The following RBFOX1 variants were observed in gnomAD, a reference collection of about 807,000 sequenced individuals.
RBFOX1 encodes the protein RNA binding fox-1 homolog 1, also known as RNA binding protein fox-1 homolog 1.
A neutral mutation model predicts 57.7 loss-of-function variants in RBFOX1; 8 were observed. The ratio of observed to expected loss-of-function variants is 0.14; its 90% CI spans 0.08 to 0.25. The LOEUF is 0.25. Among genes scored for constraint, RBFOX1 ranks in the 10% least tolerant of loss-of-function variants. RBFOX1 has a pLI of 1.00. For synonymous variants in RBFOX1, 326 were observed against 222.4 expected (o/e 1.47, Z -4.15); for missense variants, 611 against 548.5 (o/e 1.11, Z -1.14).
At chr16:6,869,008 A>G (rs2060414098) in intron 3 of RBFOX1, among the ~76,000 whole-genome samples, 1 of 152,222 alleles carries the variant, frequency 6.6e-6, no homozygotes, top group Non-Finnish European at 1.5e-5. Flanking sequence ...GTGACTACAA[A>G]AAACAAAAGT....
intron 3 of RBFOX1, among the ~76,000 whole-genome samples, chr16:5,762,305 A>T (rs1268096762): frequency 6.6e-6 from 1 of 152,090 alleles, no homozygotes; most frequent in Non-Finnish European, 1.5e-5. Flanking sequence ...TTAAAAGTGA[A>T]ATAAGACATA....
rs146598035 is a variant in RBFOX1 at position 7,200,406 on chromosome 16, C to T, written c.27+148308C>T. 1.1e-3 allele frequency among the ~76,000 whole-genome samples: 171 copies of T among 152,250 alleles called. 1 individual carries two copies. The highest frequency in any genetic ancestry group is 3.9e-3 in the African/African-American group (162 of 41,548). On this transcript the variant is annotated intron_variant, in intron 4 of 15. Transcript: ENST00000550418. ...AAGTATCATCTTAGAAAATATAACCCACAACTGTGCTCTCTCCATATTCAG... is the reference window on the plus strand; with the variant it reads ...AAGTATCATCTTAGAAAATATAACCTACAACTGTGCTCTCTCCATATTCAG...
At chr16:6,105,278 T>C (rs950383451) in intron 1 of RBFOX1, among the ~76,000 whole-genome samples, 3 of 152,198 alleles carry the variant, frequency 2.0e-5, no homozygotes, top group Admixed American at 6.5e-5. Context: ...TGATCATTTG[T>C]TTTAAACGTA....
At chr16:6,459,681 A>C (rs1446627760) in intron 2 of RBFOX1, among the ~76,000 whole-genome samples, 1 of 152,078 alleles carries the variant, frequency 6.6e-6, no homozygotes, top group Non-Finnish European at 1.5e-5. Flanking sequence ...TCAATACTTA[A>C]AAAATCTTGC....
At chr16:6,006,527 G>C (rs1373217517) in intron 4 of RBFOX1, among the ~76,000 whole-genome samples, 1 of 152,218 alleles carries the variant, frequency 6.6e-6, no homozygotes, top group Non-Finnish European at 1.5e-5. Flanking sequence ...AGAAAGAAGA[G>C]ATGGAGACAG....
At chr16:7,363,462 C>A (rs1221264195) in intron 4 of RBFOX1, among the ~76,000 whole-genome samples, 1 of 151,632 alleles carries the variant, frequency 6.6e-6, no homozygotes, top group Non-Finnish European at 1.5e-5. Flanking sequence ...AGATTCAATC[C>A]TTCCTCCGAG....
chr16:7,458,664 G>A (rs1344815912), intron 4 of RBFOX1, among the ~76,000 whole-genome samples: 1 of 151,810 alleles, frequency 6.6e-6, no homozygotes, highest in Non-Finnish European at 1.5e-5. Flanking sequence ...TATGTCTTTT[G>A]TCTAGAATGC....
intron 3 of RBFOX1, among the ~76,000 whole-genome samples, chr16:6,960,847 C>G (rs1384315869): frequency 1.3e-5 from 2 of 151,846 alleles, no homozygotes; most frequent in Non-Finnish European, 2.9e-5. Flanking sequence ...GATTAAATGC[C>G]TCAGGTCCGG....
intron 4 of RBFOX1, among the ~76,000 whole-genome samples, chr16:7,148,688 T>C (rs538553318): frequency 5.4e-4 from 83 of 152,340 alleles, no homozygotes; most frequent in African/African-American, 1.9e-3. Context: ...CTCTACTCTC[T>C]ACAGTTTTAA....
intron 1 of RBFOX1, among the ~76,000 whole-genome samples, chr16:6,105,469 C>G (rs1405313284): frequency 6.6e-6 from 1 of 152,068 alleles, no homozygotes; most frequent in African/African-American, 2.4e-5. Flanking sequence ...CCATCTTAGC[C>G]TATTTAAGAC....
At chr16:7,611,507 A>C (rs973858165) in intron 10 of RBFOX1, among the ~76,000 whole-genome samples, 2 of 151,600 alleles carry the variant, frequency 1.3e-5, no homozygotes, top group African/African-American at 4.8e-5. Context: ...TGAACCTGGG[A>C]GGCAGAGGTT....
chr16:6,075,012 C>A (rs75056359), intron 1 of RBFOX1, among the ~76,000 whole-genome samples: 2,596 of 152,236 alleles, frequency 0.017, 64 homozygotes, highest in Admixed American at 0.056. Flanking sequence ...TCAGTGCCCA[C>A]CCTGAATATC....
intron 2 of RBFOX1, among the ~76,000 whole-genome samples, chr16:6,639,237 GGATGTCTTTCTGGAATCT>G (rs1299964713): frequency 6.6e-6 from 1 of 152,174 alleles, no homozygotes; most frequent in Non-Finnish European, 1.5e-5. Flanking sequence ...ACTGCCCATT[GGATGTCTTTCTGGAATCT>G]GATGTCTTTC....
intron 1 of RBFOX1, among the ~76,000 whole-genome samples, chr16:5,439,037 G>T (rs1015380540): frequency 6.6e-6 from 1 of 150,500 alleles, no homozygotes; most frequent in South Asian, 2.1e-4. Context: ...AATAATGGGG[G>T]GGGGGGCATA....
At chr16:6,822,576 G>A (rs529581938) in intron 3 of RBFOX1, among the ~76,000 whole-genome samples, 8 of 152,318 alleles carry the variant, frequency 5.3e-5, no homozygotes, top group Admixed American at 2.6e-4. Context: ...GCTCTTCGCC[G>A]TGCTTGCATT....
chr16:5,327,936 T>C (rs1475870115), intron 1 of RBFOX1, among the ~76,000 whole-genome samples: 1 of 152,170 alleles, frequency 6.6e-6, no homozygotes, highest in Non-Finnish European at 1.5e-5. Context: ...CTTTCCATAT[T>C]GTTTCTCTGA....
intron 4 of RBFOX1, among the ~76,000 whole-genome samples, chr16:7,181,699 A>G (rs557117209): frequency 6.6e-6 from 1 of 152,138 alleles, no homozygotes; most frequent in East Asian, 1.9e-4. Flanking sequence ...AGTAGCTGGG[A>G]CTACAGGTAT....
intron 3 of RBFOX1, among the ~76,000 whole-genome samples, chr16:5,618,928 G>A (rs931918859): frequency 1.3e-5 from 2 of 152,168 alleles, no homozygotes; most frequent in Non-Finnish European, 2.9e-5. Context: ...GCTCCAGGTA[G>A]GGCAGATGAC....
intron 3 of RBFOX1, among the ~76,000 whole-genome samples, chr16:6,787,371 C>G (rs2082144961): frequency 6.6e-6 from 1 of 152,122 alleles, no homozygotes; most frequent in East Asian, 1.9e-4. Flanking sequence ...GGATTTTATG[C>G]AGAAACGGTG....
Sources: gnomAD v4.1 joint callset for allele counts (sites outside exome capture counted in the v4.1 genomes callset) on GRCh38, gnomAD v4.1.1 for gene constraint, MANE v1.5 for transcripts, NCBI Gene and HGNC (gene_info 2026-07-23, HGNC 2026-07-21) for gene names.